FRK: variants seen among roughly 807,000 people sequenced by gnomAD.
FRK encodes fyn related Src family tyrosine kinase.
In FRK, 51 loss-of-function variants were observed where a neutral mutation model predicts 56.4. That is an observed-to-expected ratio of 0.90 (90% CI 0.72 to 1.14). The LOEUF (loss-of-function observed/expected upper bound fraction) is 1.14, where lower values mean the gene tolerates loss of function less well. Ranked by LOEUF, FRK falls within the 50% of genes most tolerant of loss-of-function variation. The pLI, the probability that FRK is intolerant of heterozygous loss-of-function variation, is 0.00. For missense variants in FRK, 570 were observed against 601.4 expected (o/e 0.95, Z 0.55); for synonymous variants, 245 against 217.9 (o/e 1.12, Z -1.10).
chr6:116,038,407 A>G (rs1776567662), intron 1 of FRK, among the ~76,000 whole-genome samples: 1 of 152,200 alleles, frequency 6.6e-6, no homozygotes, highest in Non-Finnish European at 1.5e-5. Flanking sequence ...TCTATAGAAT[A>G]ACAATTTAAA....
At chr6:115,968,762 T>C (rs2114604375) in intron 2 of FRK, 23 bp from the exon 3 acceptor site, 1 of 1,603,842 alleles carries the variant, frequency 6.2e-7, no homozygotes, top group Non-Finnish European at 8.5e-7. Flanking sequence ...ATAATTCCTG[T>C]TAATAAACTT....
At chr6:116,000,389 T>A (rs546414137) in intron 2 of FRK, among the ~76,000 whole-genome samples, 52 of 151,894 alleles carry the variant, frequency 3.4e-4, no homozygotes, top group African/African-American at 1.3e-3. Flanking sequence ...ATTACAGGTG[T>A]GCACCACCAT....
At chr6:116,074,377 C>T in the FRK span, among the ~76,000 whole-genome samples, 1 of 152,248 alleles carries the variant, frequency 6.6e-6, no homozygotes, top group African/African-American at 2.4e-5. Flanking sequence ...CAGGCAAACC[C>T]AAATGGTTGG....
chr6:115,994,434 A>G (rs1774758528), intron 2 of FRK, among the ~76,000 whole-genome samples: 1 of 149,250 alleles, frequency 6.7e-6, no homozygotes, highest in African/African-American at 2.5e-5. Context: ...GGATGAGTCT[A>G]CACTTTCTTC....
chr6:116,094,915 G>A, the FRK span, among the ~76,000 whole-genome samples: 1 of 152,088 alleles, frequency 6.6e-6, no homozygotes, highest in African/African-American at 2.4e-5. Flanking sequence ...AGAGATGGAA[G>A]TAGTAAAGAA....
chr6:115,968,870 C>G, intron 2 of FRK, 131 bp from the exon 3 acceptor site: 1 of 766,466 alleles, frequency 1.3e-6, no homozygotes, highest in Non-Finnish European at 2.0e-6. Flanking sequence ...AACTTTGTCT[C>G]AGAAAAGATT....
At chr6:116,037,310 G>T (rs541059178) in intron 1 of FRK, among the ~76,000 whole-genome samples, 1 of 152,242 alleles carries the variant, frequency 6.6e-6, no homozygotes, top group South Asian at 2.1e-4. Flanking sequence ...TTTGTGCATT[G>T]CTTTCTTTTT....
chr6:116,087,727 G>C, the FRK span, among the ~76,000 whole-genome samples: 1 of 152,218 alleles, frequency 6.6e-6, no homozygotes, highest in African/African-American at 2.4e-5. Context: ...AATAAATTTT[G>C]TGGACTATAC....
At chr6:116,014,698 A>G (rs1047338346) in intron 1 of FRK, among the ~76,000 whole-genome samples, 4 of 152,200 alleles carry the variant, frequency 2.6e-5, no homozygotes, top group Non-Finnish European at 4.4e-5. Context: ...TTTAATATTT[A>G]ACACAAAAGG....
chr6:116,010,929 C>T (rs1478041558), intron 1 of FRK, among the ~76,000 whole-genome samples: 1 of 152,084 alleles, frequency 6.6e-6, no homozygotes, highest in Non-Finnish European at 1.5e-5. Context: ...TTTGTATTAA[C>T]AGTTTCATCC....
intron 2 of FRK, among the ~76,000 whole-genome samples, chr6:115,987,791 T>C (rs1484495129): frequency 6.6e-6 from 1 of 152,098 alleles, no homozygotes; most frequent in East Asian, 1.9e-4. Flanking sequence ...GGTTTGTAAA[T>C]GAATCACAAG....
upstream of FRK, among the ~76,000 whole-genome samples, chr6:116,062,628 C>T (rs1043756487): frequency 6.6e-6 from 1 of 152,152 alleles, no homozygotes; most frequent in South Asian, 2.1e-4. Flanking sequence ...AAAGACAAAG[C>T]AGCAGACCTG....
chr6:115,956,642 G>A (rs1773005640), intron 4 of FRK, 32 bp from the exon 5 acceptor site: 1 of 1,475,724 alleles, frequency 6.8e-7, no homozygotes, highest in Non-Finnish European at 9.0e-7. Context: ...ATCACTTTAT[G>A]TTATTGAGGC....
chr6:115,997,440 C>CA lies in FRK; in HGVS notation c.466+6436dup, dbSNP rs200897548. Among the ~76,000 whole-genome samples, 502 of 135,664 alleles carry CA rather than the reference C, an allele frequency of 3.7e-3. 3 individuals carry two copies. Among genetic ancestry groups the CA allele is most frequent in the African/African-American group, 9.5e-3 (357 of 37,392 alleles). 89.0% of individuals were successfully genotyped at this position (135,664 alleles called of 152,430 possible). On this transcript the variant is annotated intron_variant, in intron 2 of 7. Transcript: ENST00000606080. ...ATCAGCACAAACAAGTCTCCCTGAC[C>CA]AAAAAAAAAAAAGGAGAATGGCTAT...
At chr6:115,953,207 T>G (rs1317791620) in intron 5 of FRK, among the ~76,000 whole-genome samples, 1 of 126,262 alleles carries the variant, frequency 7.9e-6, no homozygotes, top group African/African-American at 2.9e-5. Flanking sequence ...TTTTTTTTTT[T>G]GAGACGGAGT....
chr6:116,058,127 AT>A (rs1777465426), intron 1 of FRK, among the ~76,000 whole-genome samples: 1 of 152,226 alleles, frequency 6.6e-6, no homozygotes, highest in African/African-American at 2.4e-5. Flanking sequence ...GGCATGAAAC[AT>A]TAATATATTA....
intron 5 of FRK, among the ~76,000 whole-genome samples, chr6:115,945,270 T>C (rs1465127547): frequency 6.6e-6 from 1 of 152,206 alleles, no homozygotes; most frequent in Non-Finnish European, 1.5e-5. Context: ...TGTTTTGAGA[T>C]ATTTGAGGAA....
At chr6:115,949,391 G>T in intron 5 of FRK, among the ~76,000 whole-genome samples, 1 of 152,254 alleles carries the variant, frequency 6.6e-6, no homozygotes. Context: ...TCCAGCTTTT[G>T]TCCAGTCAGT....
chr6:115,994,576 A>G (rs1774764096), intron 2 of FRK, among the ~76,000 whole-genome samples: 1 of 152,078 alleles, frequency 6.6e-6, no homozygotes, highest in African/African-American at 2.4e-5. Context: ...TGGCATGGCC[A>G]CTGACAATAA....
Sources: gnomAD v4.1 joint callset for allele counts (sites outside exome capture counted in the v4.1 genomes callset) on GRCh38, gnomAD v4.1.1 for gene constraint, MANE v1.5 for transcripts, NCBI Gene and HGNC (gene_info 2026-07-23, HGNC 2026-07-21) for gene names.